COL15A1: variants seen among roughly 807,000 people sequenced by gnomAD.
The protein encoded by COL15A1 is collagen alpha-1(XV) chain.
COL15A1 carries 111 observed loss-of-function variants against 165.9 expected under a neutral mutation model. The observed-to-expected ratio is 0.67, with a 90% CI of 0.57 to 0.78. COL15A1 has a LOEUF of 0.78. Ranked by LOEUF, COL15A1 falls within the 30% of genes least tolerant of loss-of-function variation. The probability of loss-of-function intolerance (pLI) is 0.00; values close to 1 mark genes in which losing one functional copy is unlikely to be tolerated. For missense variants in COL15A1, 1,745 were observed against 1,789.7 expected (o/e 0.98, Z 0.45); for synonymous variants, 659 against 674.8 (o/e 0.98, Z 0.36).
Position 98,974,760 on chromosome 9 carries a change from C to T in COL15A1, c.101-10805C>T, listed in dbSNP as rs563350756. On this transcript the variant is annotated intron_variant, in intron 2 of 41. Coordinates refer to ENST00000375001, the MANE Select transcript of COL15A1 (RefSeq NM_001855.5). ...GCCCCGGCCCCCCAGTGGGAATACA[C>T]CCACCCGCTTGCAGGAGTCACCGTG... Among the ~76,000 whole-genome samples, 24 of 152,350 alleles carry T rather than the reference C, an allele frequency of 1.6e-4. No homozygotes were observed. In the East Asian group the frequency reaches 4.6e-3, roughly 29 times the overall value.
chr9:98,961,817 G>A (rs574198597), intron 2 of COL15A1, among the ~76,000 whole-genome samples: 65 of 152,320 alleles, frequency 4.3e-4, no homozygotes, highest in African/African-American at 1.4e-3. Context: ...GCTTCAGGGC[G>A]GGGGCAAAGG....
rs1242110735 is a variant in COL15A1 at position 98,974,283 on chromosome 9, G to A, written c.101-11282G>A. ...AGCATTGTAGGAAGCTCCTCCCCAG[G>A]TGGTGAGCTGCACTGTCCCACACAG... On this transcript the variant is annotated intron_variant, in intron 2 of 41. Coordinates refer to ENST00000375001, the MANE Select transcript of COL15A1 (RefSeq NM_001855.5). Among the ~76,000 whole-genome samples the A allele has an allele frequency of 2.6e-5, 4 of 152,324 alleles. No homozygotes were observed. In the East Asian group the frequency reaches 7.7e-4, roughly 29 times the overall value.
At chr9:99,023,579 T>C (rs1207648169) in intron 14 of COL15A1, 130 bp downstream of exon 14, 1 of 579,868 alleles carries the variant, frequency 1.7e-6, no homozygotes, top group South Asian at 2.3e-5. Flanking sequence ...AGTGAGCTCA[T>C]GGGGGTTCAT....
At chr9:99,002,538 C>T (rs150480988) in intron 7 of COL15A1, among the ~76,000 whole-genome samples, 1 of 152,294 alleles carries the variant, frequency 6.6e-6, no homozygotes, top group Non-Finnish European at 1.5e-5. Context: ...GCTGGTAGAA[C>T]GGGTGCCATT....
At position 99,003,536 on chromosome 9, in the gene COL15A1, G is replaced by A. The variant is rs773561949; in HGVS notation, c.1149G>A (p.Gly383=). The A allele has an allele frequency of 1.9e-6, 3 of 1,568,144 alleles. No individual in the cohort carries two copies. Among genetic ancestry groups the A allele is most frequent in the East Asian group, 2.4e-5 (1 of 41,366 alleles). The change falls in exon 8 of 42, where the codon GGG becomes GGA. Residue 383 remains glycine (G), a synonymous_variant. Transcript: ENST00000375001. Reference sequence around the variant, plus strand: ...CAGAGGCCAGCAGTGTGCCCACCGGGGGACCAACCCTCTCTATGTCCACGG... The same window carrying A: ...CAGAGGCCAGCAGTGTGCCCACCGGAGGACCAACCCTCTCTATGTCCACGG... The part of the protein sequence containing the change: ...GEAEASSVPT[G]GPTLSMSTEN...
At chr9:98,972,774 C>T (rs1271635609) in intron 2 of COL15A1, among the ~76,000 whole-genome samples, 2 of 152,170 alleles carry the variant, frequency 1.3e-5, no homozygotes, top group Non-Finnish European at 2.9e-5. Context: ...GTGAACTGGC[C>T]ACTGGACTGC....
chr9:98,946,978 A>G (rs1267632820), intron 2 of COL15A1, among the ~76,000 whole-genome samples: 2 of 152,244 alleles, frequency 1.3e-5, no homozygotes, highest in East Asian at 1.9e-4. Flanking sequence ...CATGTTCCCA[A>G]CGATTTGGCA....
At chr9:99,054,442 C>G in intron 31 of COL15A1, 134 bp from the exon 32 acceptor site, 1 of 884,202 alleles carries the variant, frequency 1.1e-6, no homozygotes, top group Non-Finnish European at 1.7e-6. Flanking sequence ...TTTACACTTG[C>G]TGATCTCTCA....
intron 2 of COL15A1, among the ~76,000 whole-genome samples, chr9:98,951,305 A>G (rs887625753): frequency 1.3e-5 from 2 of 152,232 alleles, no homozygotes; most frequent in Non-Finnish European, 2.9e-5. Context: ...CCCATCAAAG[A>G]ACAGAACTGG....
chr9:98,957,679 CTCTT>C (rs899739387), intron 2 of COL15A1, among the ~76,000 whole-genome samples: 2 of 151,978 alleles, frequency 1.3e-5, no homozygotes, highest in Admixed American at 1.3e-4. Context: ...CTCTCTCTCT[CTCTT>C]TGTGTGTTTG....
At chr9:99,039,856 A>G (rs1370207689) in intron 22 of COL15A1, among the ~76,000 whole-genome samples, 1 of 152,182 alleles carries the variant, frequency 6.6e-6, no homozygotes, top group Non-Finnish European at 1.5e-5. Flanking sequence ...AGACAGGTTT[A>G]TGCCTTCACA....
chr9:98,990,280 C>T (rs61259934), intron 5 of COL15A1, among the ~76,000 whole-genome samples: 4,224 of 152,274 alleles, frequency 0.028, 202 homozygotes, highest in African/African-American at 0.097. Flanking sequence ...GTGTATGGGC[C>T]GGACTGGGGT....
At chr9:98,966,411 G>T (rs1837957928) in intron 2 of COL15A1, among the ~76,000 whole-genome samples, 1 of 152,208 alleles carries the variant, frequency 6.6e-6, no homozygotes, top group African/African-American at 2.4e-5. Flanking sequence ...CTGCTCCTGG[G>T]ATCTCCAGGG....
chr9:99,063,416 G>C (rs1326115371), intron 39 of COL15A1, among the ~76,000 whole-genome samples: 1 of 152,162 alleles, frequency 6.6e-6, no homozygotes, highest in Non-Finnish European at 1.5e-5. Flanking sequence ...ATGGAATAGA[G>C]GGAGGTAAGG....
intron 2 of COL15A1, among the ~76,000 whole-genome samples, chr9:98,945,166 G>A (rs902672435): frequency 1.3e-5 from 2 of 152,248 alleles, no homozygotes; most frequent in African/African-American, 4.8e-5. Context: ...CAGTAACTAT[G>A]TGTTGGAAAG....
chr9:99,015,573 G>T lies in COL15A1; in HGVS notation c.1503+7G>T. The T allele has an allele frequency of 2.5e-6, 4 of 1,612,744 alleles. No individual in the cohort carries two copies. The highest frequency in any genetic ancestry group is 3.4e-6 in the Non-Finnish European group (4 of 1,179,208). On this transcript the variant is annotated splice_region_variant and intron_variant, in intron 10 of 41. Transcript: ENST00000375001. ...TGAGCGGGCAGTCACTTCTGTAAGT[G>T]TCATCTTGTGTCCTCTCTGGCTCAC...
At chr9:99,042,622 C>T (rs775032024) in intron 24 of COL15A1, among the ~76,000 whole-genome samples, 158 of 152,324 alleles carry the variant, frequency 1.0e-3, no homozygotes, top group African/African-American at 3.6e-3. Flanking sequence ...GTACTGAATA[C>T]ACTTGTTGGA....
Position 98,985,593 on chromosome 9 carries a change from C to G in COL15A1, c.129C>G (p.Leu43=). Residue 43 remains leucine (L), a synonymous_variant, in exon 3 of 42, where the codon CTC becomes CTG. Transcript: ENST00000375001. ...CTGCTTCCCAGGGTCACCTGGACCT[C>G]ACGCAGCTCATCGGTGTCCCGCTGC... The part of the protein sequence containing the change: ...TETASQGHLD[L]TQLIGVPLPS... The G allele has an allele frequency of 1.2e-6, 2 of 1,613,986 alleles. No homozygotes were observed. The highest frequency in any genetic ancestry group is 1.7e-6 in the Non-Finnish European group (2 of 1,179,834).
At chr9:99,005,368 G>A (rs375780857) in intron 9 of COL15A1, among the ~76,000 whole-genome samples, 13 of 152,090 alleles carry the variant, frequency 8.5e-5, no homozygotes, top group African/African-American at 2.9e-4. Context: ...CCTGGAGGGC[G>A]ATGGGGGATC....
Sources: gnomAD v4.1 joint callset for allele counts (sites outside exome capture counted in the v4.1 genomes callset) on GRCh38, gnomAD v4.1.1 for gene constraint, MANE v1.5 for transcripts, NCBI Gene and HGNC (gene_info 2026-07-23, HGNC 2026-07-21) for gene names.